ABCA12: variants seen among roughly 807,000 people sequenced by gnomAD.
ABCA12 encodes ATP binding cassette subfamily A member 12.
A neutral mutation model predicts 293.5 loss-of-function variants in ABCA12; 156 were observed. That is an observed-to-expected ratio of 0.53 (90% confidence interval 0.47 to 0.61). The LOEUF (loss-of-function observed/expected upper bound fraction) is 0.61. ABCA12 is among the 20% of genes least tolerant of loss of function. The pLI, the probability that ABCA12 is intolerant of heterozygous loss-of-function variation, is 0.00. For missense variants in ABCA12, 2,797 were observed against 3,090.2 expected, an observed-to-expected ratio of 0.91 and a Z score of 2.25; for synonymous variants, 1,063 against 1,108.0, an observed-to-expected ratio of 0.96 and a Z score of 0.81.
chr2:215,102,103 A>C (rs978422194), intron 2 of ABCA12, among the ~76,000 whole-genome samples: 15 of 152,122 alleles, frequency 9.9e-5, no homozygotes, highest in African/African-American at 2.7e-4. Flanking sequence ...AGTCCTAGCA[A>C]ATGTACACTG....
At chr2:215,100,293 A>T (rs1188186661) in intron 2 of ABCA12, among the ~76,000 whole-genome samples, 1 of 152,172 alleles carries the variant, frequency 6.6e-6, no homozygotes, top group Non-Finnish European at 1.5e-5. Flanking sequence ...TAGCCAGTTA[A>T]GCCTGAGAAG....
At chr2:215,095,717 G>A (rs1161992389) in intron 2 of ABCA12, among the ~76,000 whole-genome samples, 1 of 151,970 alleles carries the variant, frequency 6.6e-6, no homozygotes, top group East Asian at 1.9e-4. Flanking sequence ...ATGGCCTGAG[G>A]CAACTGAAGA....
rs779720264 is a variant in ABCA12 at position 215,049,623 on chromosome 2, C to T, written c.693+3G>A. On this transcript the variant is annotated splice_donor_region_variant and intron_variant, in intron 6 of 52. Coordinates refer to ENST00000272895, the MANE Select transcript of ABCA12 (RefSeq NM_173076.3). The stretch of plus-strand genomic sequence containing the variant: ...ACTTTGTGGATCAAAGATCTACACT[C>T]ACCTGGGAGAACTGTTTGTTTAGTT... 7.6e-5 allele frequency: 122 copies of T among 1,612,770 alleles called. No individual in the cohort carries two copies. The highest frequency in any genetic ancestry group is 1.0e-4 in the Non-Finnish European group (119 of 1,179,162).
At chr2:214,957,025 T>C (rs1248669966) in intron 41 of ABCA12, among the ~76,000 whole-genome samples, 1 of 152,236 alleles carries the variant, frequency 6.6e-6, no homozygotes, top group Non-Finnish European at 1.5e-5. Context: ...AAGGAGTCCC[T>C]GGTGTTCCTG....
At chr2:215,060,899 C>T (rs1042663390) in intron 3 of ABCA12, among the ~76,000 whole-genome samples, 2 of 152,022 alleles carry the variant, frequency 1.3e-5, no homozygotes, top group Non-Finnish European at 2.9e-5. Flanking sequence ...ATTTAGAAGC[C>T]GCAGGTCATG....
At chr2:215,121,385 G>T (rs541716329) in intron 1 of ABCA12, among the ~76,000 whole-genome samples, 1 of 152,130 alleles carries the variant, frequency 6.6e-6, no homozygotes, top group Non-Finnish European at 1.5e-5. Flanking sequence ...AATAAAAATT[G>T]CTCAAACTTC....
At chr2:214,964,225 C>T (rs922526183) in intron 39 of ABCA12, among the ~76,000 whole-genome samples, 1 of 152,024 alleles carries the variant, frequency 6.6e-6, no homozygotes, top group Non-Finnish European at 1.5e-5. Flanking sequence ...AAGGAACATA[C>T]CTCAAAATAG....
chr2:214,950,765 A>G, intron 45 of ABCA12, 114 bp downstream of exon 45: 1 of 1,193,688 alleles, frequency 8.4e-7, no homozygotes. Flanking sequence ...TCGGCCTCCC[A>G]AAGTGCTAAG....
intron 24 of ABCA12, among the ~76,000 whole-genome samples, chr2:214,990,251 C>T (rs1699882795): frequency 6.6e-6 from 1 of 152,092 alleles, no homozygotes; most frequent in African/African-American, 2.4e-5. Context: ...TCTGAATTGA[C>T]AAGGCAGGAG....
chr2:214,995,562 A>T (rs1700015095), intron 23 of ABCA12, among the ~76,000 whole-genome samples: 1 of 152,130 alleles, frequency 6.6e-6, no homozygotes, highest in Non-Finnish European at 1.5e-5. Flanking sequence ...TCAGCAAGTC[A>T]CTTCTCACTT....
intron 1 of ABCA12, among the ~76,000 whole-genome samples, chr2:215,122,611 G>A (rs73076522): frequency 0.048 from 7,304 of 152,280 alleles, 575 homozygotes; most frequent in African/African-American, 0.17. Flanking sequence ...GACAACATCT[G>A]AGTGGAAAAG....
rs974487474 is a variant in ABCA12 at position 215,054,645 on chromosome 2, A to G, written c.337T>C (p.Ser113Pro). Reference protein sequence around the residue: ...FKDSEILRKSSNLDKDSSLSF... With the variant: ...FKDSEILRKSPNLDKDSSLSF... ...AAACTGCTGTCCTTATCCAGGTTGG[A>G]TGACTTTCTCAGAATCTCACTAGAG... Residue 113 changes from serine to proline, a missense_variant, in exon 4 of 53, where the codon TCC becomes CCC. This residue lies in a region of ABCA12 where 656 missense variants were observed against 638.2 expected (regional missense o/e 1.03). Coordinates refer to ENST00000272895, the MANE Select transcript of ABCA12 (RefSeq NM_173076.3). The G allele has an allele frequency of 1.9e-6, 3 of 1,611,920 alleles. No individual in the cohort carries two copies. Among genetic ancestry groups the G allele is most frequent in the Non-Finnish European group, 2.5e-6 (3 of 1,178,418 alleles).
At position 215,134,612 on chromosome 2, in the gene ABCA12, TATATAG is replaced by T. The variant is rs1470297157; in HGVS notation, c.69+3522_69+3527del. 3.0e-3 allele frequency among the ~76,000 whole-genome samples: 275 copies of T among 91,638 alleles called. 11 individuals carry two copies. Among genetic ancestry groups the T allele is most frequent in the African/African-American group, 4.9e-3 (61 of 12,496 alleles). The allele number at this position is 91,638 out of a possible 152,430, so 60.1% of individuals were successfully genotyped here. ...CTCTCTCTCTCTCTATATATATATATATATAGAGAGAGAGAGAGAGAGAGAGAGACA... is the reference window on the plus strand; with the variant it reads ...CTCTCTCTCTCTCTATATATATATATAGAGAGAGAGAGAGAGAGAGAGACA... On this transcript the variant is annotated intron_variant, in intron 1 of 52. Transcript: ENST00000272895.
Position 215,122,990 on chromosome 2 carries a change from A to G in ABCA12, c.70-11300T>C, listed in dbSNP as rs533070519. ...ATTTTTTCTGTCTTTGTGCCTGTGT[A>G]TACCATTTGTTTAGTTTCCACTTAT... On this transcript the variant is annotated intron_variant, in intron 1 of 52. Transcript: ENST00000272895. Among the ~76,000 whole-genome samples the G allele has an allele frequency of 1.1e-4, 16 of 152,142 alleles. No individual in the cohort carries two copies. In the East Asian group the frequency reaches 2.9e-3, roughly 28 times the overall value.
chr2:214,987,745 T>C lies in ABCA12; in HGVS notation c.3878A>G (p.Tyr1293Cys), dbSNP rs753182258. 42 of 1,613,804 alleles carry C rather than the reference T, an allele frequency of 2.6e-5. No individual in the cohort carries two copies. The highest frequency in any genetic ancestry group is 3.3e-5 in the South Asian group (3 of 91,044). ...APWYFPILPSYWKERFGCAEV... is the reference protein window; with the variant it reads ...APWYFPILPSCWKERFGCAEV... ...TGCACACCCAAATCGCTCCTTCCAA[T>C]AGGAAGGAAGAATTGGAAAATACCA... Residue 1293 changes from tyrosine (Y) to cysteine (C), a missense_variant, in exon 27 of 53, where the codon TAT becomes TGT. Tyr to Cys is a radical substitution (Grantham distance 194, BLOSUM62 -2). Around this residue, in one of 3 missense-constraint regions of ABCA12, gnomAD observed 2,130 missense variants for 2,427.0 expected, o/e 0.88. Transcript: ENST00000272895.
At position 215,064,154 on chromosome 2, in the gene ABCA12, C is replaced by G. The variant is rs1422297590; in HGVS notation, c.229G>C (p.Asp77His). The G allele has an allele frequency of 6.2e-7, 1 of 1,612,862 alleles. No homozygotes were observed. Among genetic ancestry groups the G allele is most frequent in the Non-Finnish European group, 8.5e-7 (1 of 1,179,256 alleles). The change falls in exon 3 of 53, where the codon GAC becomes CAC. Residue 77 changes from aspartate (D) to histidine (H), a missense_variant. Coordinates refer to ENST00000272895, the MANE Select transcript of ABCA12 (RefSeq NM_173076.3). ...GTGTCTTTGCATTTAGAGTCTGTGT[C>G]ACAGAGTAGGGTCTGCAGGAATGGA... ...FFPFLQTLLC[D>H]TDSKCKDTPY...
intron 2 of ABCA12, among the ~76,000 whole-genome samples, chr2:215,102,332 C>T (rs1305548266): frequency 2.0e-5 from 3 of 152,200 alleles, no homozygotes; most frequent in Admixed American, 6.5e-5. Flanking sequence ...GACGCAATGG[C>T]GCATGCCTGT....
chr2:215,080,937 A>G (rs889711467), intron 2 of ABCA12: 15 of 152,190 alleles, frequency 9.9e-5, no homozygotes, highest in Non-Finnish European at 1.8e-4. Flanking sequence ...GAACCATATT[A>G]TTTTAAATCT....
intron 7 of ABCA12, 115 bp downstream of exon 7, chr2:215,045,722 G>C: frequency 1.0e-6 from 1 of 953,164 alleles, no homozygotes; most frequent in Non-Finnish European, 1.6e-6. Context: ...AGAGGCTGAA[G>C]GATTATTTGC....
Sources: gnomAD v4.1 joint callset for allele counts (sites outside exome capture counted in the v4.1 genomes callset) on GRCh38, gnomAD v4.1.1 for gene constraint, gnomAD v4.1.1 regional missense constraint, MANE v1.5 for transcripts, NCBI Gene and HGNC (gene_info 2026-07-23, HGNC 2026-07-21) for gene names.